CHRM3: variants seen among roughly 807,000 people sequenced by gnomAD.
CHRM3 encodes the protein cholinergic receptor muscarinic 3.
A neutral mutation model predicts 41.8 loss-of-function variants in CHRM3; 11 were observed. That is an observed-to-expected ratio of 0.26 (90% CI 0.17 to 0.44). The LOEUF (loss-of-function observed/expected upper bound fraction) is 0.44. Ranked by LOEUF, CHRM3 falls within the 20% of genes least tolerant of loss-of-function variation. The probability of loss-of-function intolerance (pLI) is 1.00; values close to 1 mark genes in which losing one functional copy is unlikely to be tolerated. For synonymous variants in CHRM3, 297 were observed against 301.4 expected (o/e 0.99, Z 0.15); for missense variants, 571 against 745.4 (o/e 0.77, Z 2.72).
At chr1:239,574,105 T>C (rs1389053784) in intron 3 of CHRM3, among the ~76,000 whole-genome samples, 1 of 152,098 alleles carries the variant, frequency 6.6e-6, no homozygotes, top group African/African-American at 2.4e-5. Flanking sequence ...TGTACACAGA[T>C]AGTTTTTGGT....
chr1:239,790,040 C>T (rs982058256), intron 5 of CHRM3, among the ~76,000 whole-genome samples: 3 of 152,122 alleles, frequency 2.0e-5, no homozygotes, highest in African/African-American at 4.8e-5. Context: ...ATTTGTAACC[C>T]GTGTATTTAC....
At chr1:239,822,267 A>G (rs994951942) in intron 5 of CHRM3, among the ~76,000 whole-genome samples, 1 of 152,318 alleles carries the variant, frequency 6.6e-6, no homozygotes, top group Middle Eastern at 3.4e-3. Context: ...GTAACCAACA[A>G]ATGGTACCCG....
intron 3 of CHRM3, among the ~76,000 whole-genome samples, chr1:239,554,047 A>C (rs1273011066): frequency 6.6e-6 from 1 of 152,018 alleles, no homozygotes; most frequent in African/African-American, 2.4e-5. Context: ...GTGCCACTAC[A>C]CCTGGCTAAT....
intron 1 of CHRM3, among the ~76,000 whole-genome samples, chr1:239,446,945 A>G (rs1279920860): frequency 6.6e-6 from 1 of 152,214 alleles, no homozygotes; most frequent in East Asian, 1.9e-4. Flanking sequence ...TCCAAAAACT[A>G]TGTATTTAAA....
rs549595860 is a variant in CHRM3, at chr1:239,621,455, G to A, written c.-312-10769G>A. 3.3e-5 allele frequency among the ~76,000 whole-genome samples: 5 copies of A among 152,296 alleles called. No individual in the cohort carries two copies. The East Asian group carries it at 9.6e-4, about 29-fold the overall frequency. On this transcript the variant is annotated intron_variant, in intron 3 of 6. Transcript: ENST00000676153. ...TGTGGAAAGCTGAGACAGGCTGAAA[G>A]TGATGCCTCTTACACCAAACAGTTA... is the stretch of plus-strand genomic sequence containing the variant.
chr1:239,422,332 T>C (rs1182315459), intron 1 of CHRM3, among the ~76,000 whole-genome samples: 1 of 152,224 alleles, frequency 6.6e-6, no homozygotes, highest in East Asian at 1.9e-4. Context: ...ACCTAGTTTA[T>C]ATATTTAGGG....
intron 4 of CHRM3, among the ~76,000 whole-genome samples, chr1:239,644,255 C>G (rs1004636591): frequency 6.6e-6 from 1 of 152,136 alleles, no homozygotes; most frequent in Non-Finnish European, 1.5e-5. Flanking sequence ...ACCCTTGATG[C>G]TTTGTAAGAA....
intron 2 of CHRM3, among the ~76,000 whole-genome samples, chr1:239,511,416 T>C (rs773438561): frequency 1.5e-4 from 23 of 152,244 alleles, no homozygotes; most frequent in Non-Finnish European, 2.8e-4. Context: ...ACTATGTAAC[T>C]GAAAGTAAAT....
chr1:239,816,330 G>T (rs1233602718), intron 5 of CHRM3, among the ~76,000 whole-genome samples: 1 of 152,140 alleles, frequency 6.6e-6, no homozygotes, highest in East Asian at 1.9e-4. Context: ...TACTCCACCG[G>T]TGTTGCTCCT....
Position 239,907,791 on chromosome 1 carries a change from G to T in CHRM3, c.340G>T (p.Asp114Tyr). 6.2e-7 allele frequency: 1 copy of T among 1,614,144 alleles called. No individual in the cohort carries two copies. Among genetic ancestry groups the T allele is most frequent in the Non-Finnish European group, 8.5e-7 (1 of 1,180,028 alleles). The change falls in exon 7 of 7, where the codon GAT becomes TAT. Residue 114 changes from aspartate (D) to tyrosine (Y), a missense_variant. By Grantham distance (160) the Asp-to-Tyr change is radical (BLOSUM62 -3). Coordinates refer to ENST00000676153, the MANE Select transcript of CHRM3 (RefSeq NM_001375978.1). This position sits in a 1 kb window ranked among gnomAD's most constrained non-coding sequence, Gnocchi z 5.4. ...NYFLLSLACA[D>Y]LIIGVISMNL... Reference sequence around the variant, plus strand: ...CTTCCTCTTAAGCCTGGCCTGTGCCGATCTGATTATCGGGGTCATTTCAAT... The same window carrying T: ...CTTCCTCTTAAGCCTGGCCTGTGCCTATCTGATTATCGGGGTCATTTCAAT...
At chr1:239,563,346 A>G (rs1661058413) in intron 3 of CHRM3, among the ~76,000 whole-genome samples, 1 of 152,154 alleles carries the variant, frequency 6.6e-6, no homozygotes, top group Admixed American at 6.6e-5. Context: ...AGTGGGCATA[A>G]AATTGCTTAA....
chr1:239,615,234 T>C (rs1667503122), intron 3 of CHRM3, among the ~76,000 whole-genome samples: 1 of 152,220 alleles, frequency 6.6e-6, no homozygotes, highest in South Asian at 2.1e-4. Flanking sequence ...CTTTATTTCA[T>C]GCTTTCAAAA....
chr1:239,760,269 A>C (rs1666645039), intron 5 of CHRM3, among the ~76,000 whole-genome samples: 1 of 151,784 alleles, frequency 6.6e-6, no homozygotes, highest in South Asian at 2.1e-4. Flanking sequence ...TTCTCTCGAG[A>C]ATTTGTCTCC....
At chr1:239,629,362 G>T (rs1353630310) in intron 3 of CHRM3, 1 of 123,594 alleles carries the variant, frequency 8.1e-6, no homozygotes, top group Non-Finnish European at 1.6e-5. Context: ...GCTTCGGCTC[G>T]CGCACGGTGC....
intron 6 of CHRM3, among the ~76,000 whole-genome samples, chr1:239,881,156 G>C: frequency 6.6e-6 from 1 of 151,650 alleles, no homozygotes; most frequent in Non-Finnish European, 1.5e-5. Flanking sequence ...GGTGGTGGGC[G>C]CCTGTAGTCC....
chr1:239,579,070 C>G (rs1662632601), intron 3 of CHRM3, among the ~76,000 whole-genome samples: 1 of 152,180 alleles, frequency 6.6e-6, no homozygotes, highest in Non-Finnish European at 1.5e-5. Flanking sequence ...AGGAATTAGA[C>G]TCTATTCTGG....
At chr1:239,669,149 C>T (rs1339624318) in intron 4 of CHRM3, among the ~76,000 whole-genome samples, 1 of 152,174 alleles carries the variant, frequency 6.6e-6, no homozygotes, top group East Asian at 1.9e-4. Flanking sequence ...ACCCTACTCA[C>T]ATGACTCTTA....
intron 3 of CHRM3, among the ~76,000 whole-genome samples, chr1:239,608,491 C>CT (rs1039539566): frequency 9.9e-5 from 15 of 151,594 alleles, no homozygotes; most frequent in Admixed American, 3.3e-4. Flanking sequence ...ATTTTCATCT[C>CT]TTTTTTTTTG....
chr1:239,738,300 G>A (rs1249701340), intron 5 of CHRM3, among the ~76,000 whole-genome samples: 1 of 152,082 alleles, frequency 6.6e-6, no homozygotes, highest in Non-Finnish European at 1.5e-5. Flanking sequence ...ATCTATAATT[G>A]TAGGATGCAC....
Sources: allele counts gnomAD v4.1 joint callset (sites outside exome capture counted in the v4.1 genomes callset), GRCh38; gene constraint gnomAD v4.1.1; non-coding constraint Gnocchi (gnomAD v3.1); transcripts MANE v1.5; gene names NCBI Gene and HGNC (gene_info 2026-07-23, HGNC 2026-07-21).